Variants in KIF13A observed in about 807,000 individuals in gnomAD.
KIF13A encodes kinesin-like protein KIF13A.
A neutral mutation model predicts 212.2 loss-of-function variants in KIF13A; 79 were observed. That is an observed-to-expected ratio of 0.37 (90% CI 0.31 to 0.45). KIF13A has a LOEUF of 0.45. KIF13A is among the 20% of genes least tolerant of loss of function. The pLI is 1.00. For missense variants in KIF13A, 1,901 were observed against 2,209.0 expected, an observed-to-expected ratio of 0.86 and a Z score of 2.79; for synonymous variants, 789 against 808.6, an observed-to-expected ratio of 0.98 and a Z score of 0.41.
intron 4 of KIF13A, among the ~76,000 whole-genome samples, chr6:17,863,520 C>A (rs1452288492): frequency 1.3e-5 from 2 of 151,780 alleles, no homozygotes; most frequent in Admixed American, 1.3e-4. Flanking sequence ...AACTCGTGGC[C>A]GGAGTTATAC....
chr6:17,782,745 A>G (rs181786899), intron 29 of KIF13A, among the ~76,000 whole-genome samples: 23 of 152,298 alleles, frequency 1.5e-4, no homozygotes, highest in Non-Finnish European at 2.9e-4. Flanking sequence ...ATAACTTACT[A>G]TAAATTAGAG....
rs919313196 is a variant in KIF13A at position 17,783,404 on chromosome 6, T to C, written c.3544+242A>G. Among the ~76,000 whole-genome samples the C allele has an allele frequency of 1.3e-5, 2 of 152,260 alleles. No homozygotes were observed. The highest frequency in any genetic ancestry group is 1.9e-4 in the East Asian group (1 of 5,194). ...TGATTACTTTCCAGGGTAATTTCTA[T>C]GTCCACTGTTTCAGAGCAACTGTGC... On this transcript the variant is annotated intron_variant, in intron 29 of 38. Coordinates refer to ENST00000259711, the MANE Select transcript of KIF13A (RefSeq NM_022113.6). The surrounding 1 kb of genome is among the most constrained non-coding windows in gnomAD (Gnocchi z 4.3).
At chr6:17,921,663 T>G (rs1427343776) in intron 2 of KIF13A, among the ~76,000 whole-genome samples, 1 of 152,018 alleles carries the variant, frequency 6.6e-6, no homozygotes, top group East Asian at 1.9e-4. Flanking sequence ...CAATAACTGA[T>G]GAGAATCAAG....
chr6:17,904,392 T>C (rs1260583291), intron 2 of KIF13A, among the ~76,000 whole-genome samples: 1 of 151,962 alleles, frequency 6.6e-6, no homozygotes, highest in African/African-American at 2.4e-5. Context: ...CACTTGAACC[T>C]GGGAAGCGGA....
At chr6:17,894,160 CA>C (rs1772344785) in intron 3 of KIF13A, among the ~76,000 whole-genome samples, 1 of 125,860 alleles carries the variant, frequency 7.9e-6, no homozygotes, top group Admixed American at 8.0e-5. Flanking sequence ...TTTTTTGAGA[CA>C]GGGTTCTGTC....
At chr6:17,830,904 C>T (rs1335725426) in intron 13 of KIF13A, among the ~76,000 whole-genome samples, 197 bp downstream of exon 13, 1 of 152,008 alleles carries the variant, frequency 6.6e-6, no homozygotes, top group Non-Finnish European at 1.5e-5. Context: ...GGAGATCAGC[C>T]CCAACTGCAC....
In KIF13A at chr6:17,951,663, G is replaced by A. The variant is rs554152195; in HGVS notation, c.146+35391C>T. Among the ~76,000 whole-genome samples the A allele has an allele frequency of 1.2e-4, 18 of 151,628 alleles. No homozygotes were observed. The East Asian group carries it at 1.9e-3, about 16-fold the overall frequency. ...CTAGGCAACCATTAATCTACTTTCT[G>A]TCTCCACGAATATGTCTGCTCTGGA... On this transcript the variant is annotated intron_variant, in intron 2 of 38. Transcript: ENST00000259711. This position sits in a 1 kb window ranked among gnomAD's most constrained non-coding sequence, Gnocchi z 4.9.
rs1581643811 is a variant in KIF13A at position 17,888,552 on chromosome 6, G to A, written c.159+9616C>T. ...CTGAAAAGTAAAAGAGGCCAACCAT[G>A]GTGGCTTATGCCTGTAATCCCAGCA... On this transcript the variant is annotated intron_variant, in intron 3 of 38. Transcript: ENST00000259711. This position sits in a 1 kb window ranked among gnomAD's most constrained non-coding sequence, Gnocchi z 4.8. Among the ~76,000 whole-genome samples, 1 of 152,204 alleles carries A rather than the reference G, an allele frequency of 6.6e-6. No individual in the cohort carries two copies. The highest frequency in any genetic ancestry group is 1.9e-4 in the East Asian group (1 of 5,190).
chr6:17,808,033 T>C (rs1215526726), intron 18 of KIF13A, among the ~76,000 whole-genome samples: 1 of 152,128 alleles, frequency 6.6e-6, no homozygotes, highest in Non-Finnish European at 1.5e-5. Context: ...AAGAGAGCCG[T>C]GTATTTGAAG....
At chr6:17,858,984 A>G (rs1768433015) in intron 4 of KIF13A, among the ~76,000 whole-genome samples, 1 of 152,214 alleles carries the variant, frequency 6.6e-6, no homozygotes, top group Admixed American at 6.5e-5. Flanking sequence ...ATGGCTTCTG[A>G]GAGCCTAAAG....
rs972114894 is a variant in KIF13A at position 17,831,202 on chromosome 6, A to G, written c.1300T>C (p.Ser434Pro). 2 of 1,613,742 alleles carry G rather than the reference A, an allele frequency of 1.2e-6. No individual in the cohort carries two copies. Among genetic ancestry groups the G allele is most frequent in the Non-Finnish European group, 1.7e-6 (2 of 1,179,832 alleles). Reference protein sequence around the residue: ...RQRQLESMGISLEMSGIKVGD... With the variant: ...RQRQLESMGIPLEMSGIKVGD... The stretch of plus-strand genomic sequence containing the variant: ...ACCTTGATACCGGACATCTCCAGGG[A>G]AATCCCCATGCTTTCAAGTTGTCGT... Residue 434 changes from serine to proline, a missense_variant, in exon 13 of 39, where the codon TCC becomes CCC. Coordinates refer to ENST00000259711, the MANE Select transcript of KIF13A (RefSeq NM_022113.6).
In KIF13A at chr6:17,777,357, G is replaced by A; in HGVS notation, c.4093-3C>T. On this transcript the variant is annotated splice_polypyrimidine_tract_variant and splice_region_variant and intron_variant, in intron 33 of 38. Coordinates refer to ENST00000259711, the MANE Select transcript of KIF13A (RefSeq NM_022113.6). The surrounding 1 kb of genome is among the most constrained non-coding windows in gnomAD (Gnocchi z 4.4). ...AGTGCTTCTTTGACTGTGACGGCCT[G>A]TAAACATAATAATTTGAAAATAACA... 6.2e-7 allele frequency: 1 copy of A among 1,604,702 alleles called. No individual in the cohort carries two copies. The highest frequency in any genetic ancestry group is 2.2e-5 in the East Asian group (1 of 44,776).
chr6:17,943,999 A>T (rs1777168097), intron 2 of KIF13A, among the ~76,000 whole-genome samples: 1 of 152,242 alleles, frequency 6.6e-6, no homozygotes, highest in Non-Finnish European at 1.5e-5. Flanking sequence ...ATCATGAGCT[A>T]GAAGTATATG....
chr6:17,865,961 A>G, intron 4 of KIF13A, among the ~76,000 whole-genome samples: 1 of 152,174 alleles, frequency 6.6e-6, no homozygotes, highest in East Asian at 1.9e-4. Context: ...TTGTTGCTGG[A>G]CACAGTGGCT....
Position 17,773,506 on chromosome 6 carries a change from G to A in KIF13A, c.4296C>T (p.Pro1432=). The A allele has an allele frequency of 6.2e-7, 1 of 1,607,606 alleles. No homozygotes were observed. Among genetic ancestry groups the A allele is most frequent in the South Asian group, 1.1e-5 (1 of 90,786 alleles). Residue 1432 remains proline, a synonymous_variant, in exon 36 of 39, where the codon CCC becomes CCT. Transcript: ENST00000259711. The surrounding 1 kb of genome is among the most constrained non-coding windows in gnomAD (Gnocchi z 4.2). ...CTTTATTCCTTCGAGGAGAATCCCT[G>A]GGTAAAGTTCCATAACATGCTACAT... The part of the protein sequence containing the change: ...YQDVACYGTL[P]RDSPRRNKEG...
chr6:17,796,038 G>T (rs1762001979), intron 23 of KIF13A, among the ~76,000 whole-genome samples: 1 of 152,062 alleles, frequency 6.6e-6, no homozygotes, highest in Admixed American at 6.5e-5. Flanking sequence ...TTGTTGATAG[G>T]ACATATCATT....
At chr6:17,847,411 A>C (rs1767182654) in intron 9 of KIF13A, among the ~76,000 whole-genome samples, 1 of 152,212 alleles carries the variant, frequency 6.6e-6, no homozygotes, top group Non-Finnish European at 1.5e-5. Context: ...CTGGATGATT[A>C]ACTTCCTATA....
At position 17,987,241 on chromosome 6, in the gene KIF13A, G is replaced by C; in HGVS notation, c.56-97C>G. ...GCCGAGCGGGGCTCCGTCCCTGGAG[G>C]CGGCCGAGCCTGGAGACGGCGCCCC... On this transcript the variant is annotated intron_variant, in intron 1 of 38. Transcript: ENST00000259711. This position sits in a 1 kb window ranked among gnomAD's most constrained non-coding sequence, Gnocchi z 7.7. 3 of 1,090,070 alleles carry C rather than the reference G, an allele frequency of 2.8e-6. No homozygotes were observed. The highest frequency in any genetic ancestry group is 3.7e-6 in the Non-Finnish European group (3 of 803,324). The allele number at this position is 1,090,070 out of a possible 1,614,324, so 67.5% of individuals were successfully genotyped here.
Position 17,817,148 on chromosome 6 carries a change from A to G in KIF13A, c.1872T>C (p.Tyr624=), listed in dbSNP as rs759951827. The change falls in exon 17 of 39, where the codon TAT becomes TAC. Residue 624 remains tyrosine, a synonymous_variant. Coordinates refer to ENST00000259711, the MANE Select transcript of KIF13A (RefSeq NM_022113.6). ...GGCGGAGTTGCTCCAGTTCCCGCTCATACATGAGCCGCTGCTCCTCTAGGG... is the reference window on the plus strand; with the variant it reads ...GGCGGAGTTGCTCCAGTTCCCGCTCGTACATGAGCCGCTGCTCCTCTAGGG... The part of the protein sequence containing the change: ...RSALEEQRLM[Y]ERELEQLRQQ... The G allele has an allele frequency of 1.9e-6, 3 of 1,613,908 alleles. No homozygotes were observed. Among genetic ancestry groups the G allele is most frequent in the East Asian group, 2.2e-5 (1 of 44,896 alleles).
Sources: gnomAD v4.1 joint callset for allele counts (sites outside exome capture counted in the v4.1 genomes callset) on GRCh38, gnomAD v4.1.1 for gene constraint, Gnocchi (gnomAD v3.1) non-coding constraint, MANE v1.5 for transcripts, NCBI Gene and HGNC (gene_info 2026-07-23, HGNC 2026-07-21) for gene names.